FAHD2A: variants seen among roughly 807,000 people sequenced by gnomAD.
FAHD2A encodes the protein fumarylacetoacetate hydrolase domain containing 2A.
FAHD2A carries 27 observed loss-of-function variants against 33.4 expected under a neutral mutation model. The ratio of observed to expected loss-of-function variants is 0.81; its 90% CI spans 0.60 to 1.11. The LOEUF is 1.11. FAHD2A is among the 50% of genes most tolerant of loss of function. The pLI is 0.00. For synonymous variants in FAHD2A, 130 were observed against 153.3 expected (o/e 0.85, Z 1.12); for missense variants, 296 against 395.0 (o/e 0.75, Z 2.12).
At position 95,415,430 on chromosome 2, in the gene FAHD2A, A is replaced by AG. The variant is rs1208216178; in HGVS notation, c.*2473_*2474insG. ...GAAAGCAAATGAAATGTTAAAAAAAAAAAAAAAGCAATACTTGCATTCTCA... is the reference window on the plus strand; with the variant it reads ...GAAAGCAAATGAAATGTTAAAAAAAAGAAAAAAAGCAATACTTGCATTCTCA... On this transcript the variant is annotated 3_prime_UTR_variant, in exon 8 of 8. Coordinates refer to ENST00000233379, the MANE Select transcript of FAHD2A (RefSeq NM_016044.3). 6.6e-6 allele frequency: 1 copy of AG among 152,568 alleles called. No homozygotes were observed. Among genetic ancestry groups the AG allele is most frequent in the East Asian group, 1.9e-4 (1 of 5,206 alleles). 9.5% of individuals were successfully genotyped at this position (152,568 alleles called of 1,614,324 possible).
downstream of FAHD2A, among the ~76,000 whole-genome samples, chr2:95,418,807 A>G (rs1002075286): frequency 1.9e-4 from 29 of 152,232 alleles, no homozygotes; most frequent in African/African-American, 6.0e-4. Flanking sequence ...GGGTTAAATC[A>G]TACACACCAA....
downstream of FAHD2A, among the ~76,000 whole-genome samples, chr2:95,419,252 A>G (rs972247820): frequency 2.0e-5 from 3 of 152,100 alleles, no homozygotes; most frequent in African/African-American, 7.3e-5. Flanking sequence ...GGGCACTTTT[A>G]TAAGAAATGT....
downstream of FAHD2A, among the ~76,000 whole-genome samples, chr2:95,417,458 G>A (rs1444707222): frequency 3.3e-5 from 5 of 152,026 alleles, no homozygotes; most frequent in South Asian, 2.1e-4. Flanking sequence ...CTCTACCAGA[G>A]GCTTTGGGAA....
chr2:95,413,183 T>C lies in FAHD2A; in HGVS notation c.*226T>C. On this transcript the variant is annotated 3_prime_UTR_variant, in exon 8 of 8. Coordinates refer to ENST00000233379, the MANE Select transcript of FAHD2A (RefSeq NM_016044.3). The stretch of plus-strand genomic sequence containing the variant: ...TTGGGCTTTGTTTCATGGGACAAGT[T>C]GGGGCATTTTGTGGGACTGGGGAAG... 1 of 1,041,234 alleles carries C rather than the reference T, an allele frequency of 9.6e-7. No homozygotes were observed. The highest frequency in any genetic ancestry group is 1.4e-6 in the Non-Finnish European group (1 of 727,500). The allele number at this position is 1,041,234 out of a possible 1,614,324, so 64.5% of individuals were successfully genotyped here.
chr2:95,403,349 C>T (rs1558789352), intron 1 of FAHD2A, among the ~76,000 whole-genome samples: 1 of 152,144 alleles, frequency 6.6e-6, no homozygotes, highest in Non-Finnish European at 1.5e-5. Context: ...AATGAACCTG[C>T]ATGTGTGTGT....
chr2:95,418,039 C>G (rs1160506584), downstream of FAHD2A, among the ~76,000 whole-genome samples: 4 of 151,526 alleles, frequency 2.6e-5, no homozygotes, highest in East Asian at 1.9e-4. Context: ...TCAAACTTCT[C>G]TAGGCCTCAA....
In FAHD2A at chr2:95,412,539, C is replaced by G; in HGVS notation, c.791C>G (p.Ser264Cys). The change falls in exon 6 of 8, where the codon TCC becomes TGC. Residue 264 changes from serine to cysteine, a missense_variant. By Grantham distance (112) the Ser-to-Cys change is moderately radical (BLOSUM62 -1). Coordinates refer to ENST00000233379, the MANE Select transcript of FAHD2A (RefSeq NM_016044.3). The stretch of plus-strand genomic sequence containing the variant: ...ACAGAGGACCTGATAGCCTGGGTCT[C>G]CCAGTGAGTGACAGGGGCTGTCCTG... ...FKTEDLIAWV[S>C]QFVTFYPGDV... is the part of the protein sequence containing the mutation. 6.2e-7 allele frequency: 1 copy of G among 1,613,988 alleles called. No individual in the cohort carries two copies. The highest frequency in any genetic ancestry group is 8.5e-7 in the Non-Finnish European group (1 of 1,179,858).
intron 3 of FAHD2A, among the ~76,000 whole-genome samples, chr2:95,408,035 ATTTTTTTTT>A (rs11377714): frequency 6.8e-4 from 64 of 94,698 alleles, no homozygotes; most frequent in Non-Finnish European, 5.0e-4. Context: ...GCAAACACAC[ATTTTTTTTT>A]TTTTTTTTTT....
downstream of FAHD2A, among the ~76,000 whole-genome samples, chr2:95,418,111 C>T (rs185156844): frequency 1.1e-4 from 16 of 152,042 alleles, no homozygotes; most frequent in South Asian, 1.9e-3. Flanking sequence ...CTGGATTAAT[C>T]TCACCTACTC....
At chr2:95,418,554 G>T (rs186417788), downstream of FAHD2A, among the ~76,000 whole-genome samples, 88 of 152,142 alleles carry the variant, frequency 5.8e-4, 1 homozygote, top group African/African-American at 2.0e-3. Context: ...TAATCTGAAA[G>T]ACAGGAAGAG....
intron 1 of FAHD2A, among the ~76,000 whole-genome samples, chr2:95,403,381 G>A (rs1222649841): frequency 2.6e-5 from 4 of 152,216 alleles, no homozygotes; most frequent in African/African-American, 4.8e-5. Context: ...GGAACAGTCA[G>A]TGGGGCCTGG....
rs983038698 is a variant in FAHD2A, at chr2:95,410,979, C to T, written c.638C>T (p.Thr213Ile). ...KQWLLGKTFDTFCPLGPALVT... is the reference protein window; with the variant it reads ...KQWLLGKTFDIFCPLGPALVT... ...TGGCTGCTGGGAAAAACCTTCGACA[C>T]CTTCTGCCCTCTGGGCCCTGCCTTG... Residue 213 changes from threonine (T) to isoleucine (I), a missense_variant, in exon 5 of 8, where the codon ACC (threonine) becomes ATC (isoleucine). Transcript: ENST00000233379. The T allele has an allele frequency of 5.0e-6, 8 of 1,613,890 alleles. No homozygotes were observed. In the African/African-American group the frequency reaches 5.3e-5, roughly 11 times the overall value.
rs775155625 is a variant in FAHD2A, at chr2:95,412,894, G to A, written c.883-1G>A. On this transcript the variant is annotated splice_acceptor_variant, in intron 7 of 7. Transcript: ENST00000233379. LOFTEE classifies it high-confidence loss of function. ...CACTGTCATGGCCTGCTCTGTTGCA[G>A]AAGGGGGATGAAGTCCAGTGTGAGA... The A allele has an allele frequency of 6.2e-7, 1 of 1,614,256 alleles. No homozygotes were observed. Among genetic ancestry groups the A allele is most frequent in the South Asian group, 1.1e-5 (1 of 91,090 alleles).
In FAHD2A at chr2:95,413,770, G is replaced by T; in HGVS notation, c.*813G>T. 1 of 703,700 alleles carries T rather than the reference G, an allele frequency of 1.4e-6. No homozygotes were observed. 43.6% of individuals were successfully genotyped at this position (703,700 alleles called of 1,614,324 possible). On this transcript the variant is annotated 3_prime_UTR_variant, in exon 8 of 8. Coordinates refer to ENST00000233379, the MANE Select transcript of FAHD2A (RefSeq NM_016044.3). ...CAGTGATTTGGGAGACCAAGAGGCA[G>T]GAAACCATCCCACCTTCTCCAACCC...
At chr2:95,417,177 C>T (rs1440570080), downstream of FAHD2A, among the ~76,000 whole-genome samples, 2 of 152,240 alleles carry the variant, frequency 1.3e-5, no homozygotes, top group Admixed American at 6.5e-5. Flanking sequence ...TCCTTAATGT[C>T]TCAGAACATC....
At position 95,415,410 on chromosome 2, in the gene FAHD2A, CAAATG is replaced by C. The variant is rs1051729840; in HGVS notation, c.*2459_*2463del. The C allele has an allele frequency of 7.0e-6, 1 of 141,884 alleles. No homozygotes were observed. Among genetic ancestry groups the C allele is most frequent in the African/African-American group, 2.7e-5 (1 of 37,694 alleles). 8.8% of individuals were successfully genotyped at this position (141,884 alleles called of 1,614,324 possible). On this transcript the variant is annotated 3_prime_UTR_variant, in exon 8 of 8. Transcript: ENST00000233379. ...AGAACAGGGTGGAGTGAGTGGAAAG[CAAATG>C]AAATGTTAAAAAAAAAAAAAAAGCA... is the stretch of plus-strand genomic sequence containing the variant.
In FAHD2A at chr2:95,410,879, G is replaced by C; in HGVS notation, c.538G>C (p.Ala180Pro). The change falls in exon 5 of 8, where the codon GCC becomes CCC. Residue 180 changes from alanine to proline, a missense_variant. By Grantham distance (27) the Ala-to-Pro change is conservative. Transcript: ENST00000233379. ...GKHIKATDAMAHVAGFTVAHD... is the reference protein window; with the variant it reads ...GKHIKATDAMPHVAGFTVAHD... ...GCCCCCATAGGCCACAGATGCTATG[G>C]CCCACGTGGCCGGCTTCACTGTGGC... is the stretch of plus-strand genomic sequence containing the variant. The C allele has an allele frequency of 6.2e-7, 1 of 1,613,972 alleles. No homozygotes were observed. Among genetic ancestry groups the C allele is most frequent in the South Asian group, 1.1e-5 (1 of 91,080 alleles).
chr2:95,411,758 G>A (rs370883812), intron 5 of FAHD2A, among the ~76,000 whole-genome samples: 182 of 152,262 alleles, frequency 1.2e-3, no homozygotes, highest in African/African-American at 4.1e-3. Flanking sequence ...TCTCTGTCCC[G>A]GCTAGAACCA....
At chr2:95,412,400 G>A (rs1265297138) in intron 5 of FAHD2A, 34 bp from the exon 6 acceptor site, 1 of 1,612,390 alleles carries the variant, frequency 6.2e-7, no homozygotes, top group African/African-American at 1.3e-5. Flanking sequence ...AGGGGGAAAA[G>A]GGATAACTCC....
Sources: gnomAD v4.1 joint callset for allele counts (sites outside exome capture counted in the v4.1 genomes callset) on GRCh38, gnomAD v4.1.1 for gene constraint, MANE v1.5 for transcripts, NCBI Gene and HGNC (gene_info 2026-07-23, HGNC 2026-07-21) for gene names.